CYP2J2: variants seen among roughly 807,000 people sequenced by gnomAD.
CYP2J2 encodes the protein cytochrome P450 2J2.
CYP2J2 carries 41 observed loss-of-function variants against 48.8 expected under a neutral mutation model. That is an observed-to-expected ratio of 0.84 (90% confidence interval 0.66 to 1.09). The LOEUF (loss-of-function observed/expected upper bound fraction) is 1.09, where lower values mean the gene tolerates loss of function less well. Ranked by LOEUF, CYP2J2 falls within the 50% of genes least tolerant of loss-of-function variation. The pLI is 0.00. For missense variants in CYP2J2, 644 were observed against 617.3 expected (o/e 1.04, Z -0.46); for synonymous variants, 221 against 227.1 (o/e 0.97, Z 0.24).
At chr1:59,944,839 T>TA in the CYP2J2 span, among the ~76,000 whole-genome samples, 1 of 152,106 alleles carries the variant, frequency 6.6e-6, no homozygotes, top group Non-Finnish European at 1.5e-5. Flanking sequence ...AATGCCACTT[T>TA]AAAAAAAGCC....
chr1:59,903,933 C>T (rs971142561), intron 7 of CYP2J2, among the ~76,000 whole-genome samples: 1 of 152,178 alleles, frequency 6.6e-6, no homozygotes, highest in Admixed American at 6.5e-5. Flanking sequence ...TCTGAGTAAA[C>T]TTACTCTGAG....
intron 1 of CYP2J2, among the ~76,000 whole-genome samples, chr1:59,918,324 C>T (rs896537793): frequency 2.0e-5 from 3 of 152,110 alleles, no homozygotes; most frequent in Admixed American, 2.0e-4. Flanking sequence ...TGACTTCTAA[C>T]TAGCAAAGTA....
At chr1:59,955,904 G>A in the CYP2J2 span, among the ~76,000 whole-genome samples, 1 of 152,124 alleles carries the variant, frequency 6.6e-6, no homozygotes, top group East Asian at 1.9e-4. Flanking sequence ...AAGTGTGTGT[G>A]TATGTGTGTG....
chr1:59,915,836 G>A (rs1644459712), intron 2 of CYP2J2, 102 bp downstream of exon 2: 2 of 1,127,804 alleles, frequency 1.8e-6, no homozygotes, highest in African/African-American at 1.6e-5. Flanking sequence ...TTATGGGGCT[G>A]GTTTCTAGGA....
At chr1:59,916,139 T>C (rs1450591442) in intron 1 of CYP2J2, 39 bp from the exon 2 acceptor site, 4 of 1,557,014 alleles carry the variant, frequency 2.6e-6, no homozygotes, top group South Asian at 2.3e-5. Context: ...AATATGCACA[T>C]GTCCATGTGT....
intron 8 of CYP2J2, among the ~76,000 whole-genome samples, chr1:59,897,355 C>A (rs1015446578): frequency 1.3e-5 from 2 of 152,192 alleles, no homozygotes; most frequent in East Asian, 3.8e-4. Context: ...CATTCATTCT[C>A]GCAAAACTAA....
chr1:59,894,188 C>G (rs1474319110), intron 8 of CYP2J2, among the ~76,000 whole-genome samples: 1 of 152,062 alleles, frequency 6.6e-6, no homozygotes, highest in African/African-American at 2.4e-5. Flanking sequence ...AAAAAGACAA[C>G]AAAAACAACC....
At chr1:59,932,819 G>GC in the CYP2J2 span, among the ~76,000 whole-genome samples, 3 of 151,562 alleles carry the variant, frequency 2.0e-5, no homozygotes, top group Non-Finnish European at 4.4e-5. Context: ...TTGTGCCTCA[G>GC]CCCCCTGAGT....
At chr1:59,946,057 A>G in the CYP2J2 span, among the ~76,000 whole-genome samples, 127 of 152,348 alleles carry the variant, frequency 8.3e-4, no homozygotes, top group African/African-American at 3.0e-3. Context: ...GAGTTTAAAA[A>G]CAAAATCAGA....
At chr1:59,904,742 A>T in intron 7 of CYP2J2, 129 bp downstream of exon 7, 1 of 746,092 alleles carries the variant, frequency 1.3e-6, no homozygotes, top group Non-Finnish European at 2.1e-6. Flanking sequence ...GAGAAAATCT[A>T]GTATTATATC....
rs142640585 is a variant in CYP2J2, at chr1:59,912,198, C to T, written c.487G>A (p.Ala163Thr). Residue 163 changes from alanine to threonine, a missense_variant, in exon 3 of 9, where the codon GCC (alanine) becomes ACC (threonine). Ala to Thr is a moderately conservative substitution (Grantham distance 58, BLOSUM62 0). Transcript: ENST00000371204. ...TTTATTGCTTCAGTGAGGTGTTGGG[C>T]CTCCTCCTGAATGCGTTCCTCTAAG... ...KSLEERIQEE[A>T]QHLTEAIKEE... The T allele has an allele frequency of 2.0e-5, 32 of 1,613,796 alleles. No homozygotes were observed. In the African/African-American group the frequency reaches 4.3e-4, roughly 22 times the overall value.
chr1:59,900,841 G>T, intron 8 of CYP2J2, 124 bp downstream of exon 8: 1 of 1,094,696 alleles, frequency 9.1e-7, no homozygotes, highest in Non-Finnish European at 1.3e-6. Context: ...CAGCAAGATG[G>T]AGTGAGTCGC....
Position 59,893,925 on chromosome 1 carries a change from C to T in CYP2J2, c.1331-96G>A. ...CAATCATATCCCCAAAAAAATGGAG[C>T]AGAGGAAGGGCCTGTAGGCCCCAGG... is the stretch of plus-strand genomic sequence containing the variant. On this transcript the variant is annotated intron_variant, in intron 8 of 8. Transcript: ENST00000371204. 4 of 1,251,586 alleles carry T rather than the reference C, an allele frequency of 3.2e-6. No individual in the cohort carries two copies. The South Asian group carries it at 6.6e-5, about 21-fold the overall frequency. The allele number at this position is 1,251,586 out of a possible 1,614,324, so 77.5% of individuals were successfully genotyped here.
intron 8 of CYP2J2, among the ~76,000 whole-genome samples, chr1:59,898,731 A>T (rs962232170): frequency 1.3e-5 from 2 of 152,198 alleles, no homozygotes; most frequent in Non-Finnish European, 2.9e-5. Flanking sequence ...ATGATCTTGG[A>T]TAAGAAAGAA....
the CYP2J2 span, among the ~76,000 whole-genome samples, chr1:59,955,278 CCATAT>C: frequency 1.0e-5 from 1 of 97,514 alleles, no homozygotes; most frequent in African/African-American, 4.4e-5. Context: ...ATATATATAT[CCATAT>C]ATATATATCC....
Position 59,916,089 on chromosome 1 carries a change from T to A in CYP2J2, c.222A>T (p.Lys74Asn). The change falls in exon 2 of 9, where the codon AAA becomes AAT. Residue 74 changes from lysine (K) to asparagine (N), a missense_variant. By Grantham distance (94) the Lys-to-Asn change is moderately conservative (BLOSUM62 0). Coordinates refer to ENST00000371204, the MANE Select transcript of CYP2J2 (RefSeq NM_000775.4). ...GCTCCAAGCTAAAAAGGTTCCCATA[T>A]TTCTTCACAAACTGAAAAATAGTTA... ...SHLEVQLFVK[K>N]YGNLFSLELG... 6.2e-7 allele frequency: 1 copy of A among 1,608,138 alleles called. No homozygotes were observed. The highest frequency in any genetic ancestry group is 2.2e-5 in the East Asian group (1 of 44,824).
chr1:59,948,790 A>T, the CYP2J2 span, among the ~76,000 whole-genome samples: 5 of 152,108 alleles, frequency 3.3e-5, no homozygotes, highest in Non-Finnish European at 5.9e-5. Context: ...CATTATCAAA[A>T]TTTTTTTTCA....
At chr1:59,942,353 A>C in the CYP2J2 span, among the ~76,000 whole-genome samples, 1 of 152,118 alleles carries the variant, frequency 6.6e-6, no homozygotes, top group Admixed American at 6.6e-5. Flanking sequence ...CATTCCATGA[A>C]GAAGGACTAG....
chr1:59,955,142 A>AAAATAACT, the CYP2J2 span, among the ~76,000 whole-genome samples: 1 of 145,780 alleles, frequency 6.9e-6, no homozygotes, highest in African/African-American at 2.6e-5. Context: ...CTCCAAAATT[A>AAAATAACT]AAATAAATAA....
Sources: gnomAD v4.1 joint callset for allele counts (sites outside exome capture counted in the v4.1 genomes callset) on GRCh38, gnomAD v4.1.1 for gene constraint, MANE v1.5 for transcripts, NCBI Gene and HGNC (gene_info 2026-07-23, HGNC 2026-07-21) for gene names.